ZNF239: variants seen among roughly 807,000 people sequenced by gnomAD.
The protein encoded by ZNF239 is zinc finger protein (C2H2) homologous to mouse MOK-2.
ZNF239 carries 16 observed loss-of-function variants against 27.5 expected under a neutral mutation model. The observed-to-expected ratio is 0.58, with a 90% CI of 0.39 to 0.88. The LOEUF is 0.88. Among genes scored for constraint, ZNF239 ranks in the 40% least tolerant of loss-of-function variants. ZNF239 has a pLI of 0.00. For synonymous variants in ZNF239, 199 were observed against 192.6 expected (o/e 1.03, Z -0.27); for missense variants, 527 against 551.9 (o/e 0.95, Z 0.45).
At chr10:43,568,779 A>G (rs1162061471) in intron 2 of ZNF239, among the ~76,000 whole-genome samples, 2 of 152,094 alleles carry the variant, frequency 1.3e-5, no homozygotes, top group Non-Finnish European at 2.9e-5. Context: ...GCTGGGCACG[A>G]TGGCTCACGG....
Position 43,557,679 on chromosome 10 carries a change from C to T in ZNF239, c.401G>A (p.Gly134Asp), listed in dbSNP as rs774263881. 63 of 1,614,066 alleles carry T rather than the reference C, an allele frequency of 3.9e-5. No homozygotes were observed. The highest frequency in any genetic ancestry group is 5.3e-5 in the Non-Finnish European group (63 of 1,180,054). ...CTGGCCATTCTGGCAAGTTGCCTCACCATTTAACAATGGCGAGGCCAGTTC... is the reference window on the plus strand; with the variant it reads ...CTGGCCATTCTGGCAAGTTGCCTCATCATTTAACAATGGCGAGGCCAGTTC... ...GQELASPLLN[G>D]EATCQNGQLK... Residue 134 changes from glycine to aspartate, a missense_variant, in exon 4 of 4, where the codon GGT (glycine) becomes GAT (aspartate). Gly to Asp is a moderately conservative substitution (Grantham distance 94). Transcript: ENST00000374446.
chr10:43,565,277 T>A (rs976849171), intron 3 of ZNF239, among the ~76,000 whole-genome samples: 2 of 151,934 alleles, frequency 1.3e-5, no homozygotes, highest in African/African-American at 4.8e-5. Flanking sequence ...AGAGACAGGA[T>A]TTTGCCATGT....
intron 2 of ZNF239, chr10:43,568,548 C>T (rs1287069548): frequency 1.3e-6 from 1 of 768,882 alleles, no homozygotes; most frequent in African/African-American, 1.9e-5. Context: ...TCTGTTCTTC[C>T]TCTTCTAAAC....
intron 2 of ZNF239, among the ~76,000 whole-genome samples, chr10:43,569,416 A>G (rs376162854): frequency 6.6e-6 from 1 of 152,024 alleles, no homozygotes; most frequent in Non-Finnish European, 1.5e-5. Flanking sequence ...TTCAGTGGCC[A>G]TCCAGTAAAA....
At chr10:43,569,546 T>A (rs2132298921) in intron 2 of ZNF239, among the ~76,000 whole-genome samples, 1 of 152,324 alleles carries the variant, frequency 6.6e-6, no homozygotes, top group East Asian at 1.9e-4. Context: ...AAACTCATTG[T>A]AGCTTCTGCA....
At chr10:43,570,815 C>A in intron 2 of ZNF239, 1 of 979,446 alleles carries the variant, frequency 1.0e-6, no homozygotes, top group African/African-American at 1.8e-5. Context: ...GGTTAGACAA[C>A]CAGAGTTATT....
intron 3 of ZNF239, among the ~76,000 whole-genome samples, chr10:43,563,592 C>A (rs1377972540): frequency 6.6e-6 from 1 of 152,110 alleles, no homozygotes; most frequent in Non-Finnish European, 1.5e-5. Context: ...TTATGTCTTA[C>A]TTGCATAAAA....
At chr10:43,573,757 T>A in intron 1 of ZNF239, 80 bp from the exon 2 acceptor site, 7 of 559,082 alleles carry the variant, frequency 1.3e-5, no homozygotes, top group Non-Finnish European at 1.6e-5. Flanking sequence ...GTTACTCCGC[T>A]CCTGCCTCTG....
Position 43,558,050 on chromosome 10 carries a change from A to G in ZNF239, c.30T>C (p.Asp10=), listed in dbSNP as rs1173386363. 1 of 1,613,956 alleles carries G rather than the reference A, an allele frequency of 6.2e-7. No homozygotes were observed. Among genetic ancestry groups the G allele is most frequent in the Non-Finnish European group, 8.5e-7 (1 of 1,179,926 alleles). MASTITGSQ[D]CIVNHRGEVD... ...CTTCCCCTCGATGATTCACAATACA[A>G]TCCTGACTTCCAGTAATTGTACTGG... Residue 10 remains aspartate (D), a synonymous_variant, in exon 4 of 4, where the codon GAT becomes GAC. Transcript: ENST00000374446.
intron 2 of ZNF239, among the ~76,000 whole-genome samples, chr10:43,569,596 C>T (rs910192559): frequency 3.9e-5 from 6 of 152,204 alleles, no homozygotes; most frequent in Non-Finnish European, 8.8e-5. Context: ...AGCTCTCAGT[C>T]CAACTGTTGC....
intron 2 of ZNF239, chr10:43,568,237 C>G: frequency 3.0e-6 from 3 of 985,538 alleles, no homozygotes; most frequent in Non-Finnish European, 3.6e-6. Flanking sequence ...CTGCCCACAA[C>G]ATATCTACGC....
In ZNF239 at chr10:43,557,116, C is replaced by G. The variant is rs1334122997; in HGVS notation, c.964G>C (p.Glu322Gln). 1.9e-6 allele frequency: 3 copies of G among 1,611,540 alleles called. No individual in the cohort carries two copies. The highest frequency in any genetic ancestry group is 2.5e-6 in the Non-Finnish European group (3 of 1,178,928). The change falls in exon 4 of 4, where the codon GAG (glutamate) becomes CAG (glutamine). Residue 322 changes from glutamate to glutamine, a missense_variant. Coordinates refer to ENST00000374446, the MANE Select transcript of ZNF239 (RefSeq NM_001099282.2). ...TGACTGAAGCTCATACCACACTCCTCACACTCATAGGGCTTCTCTCCAGTG... is the reference window on the plus strand; with the variant it reads ...TGACTGAAGCTCATACCACACTCCTGACACTCATAGGGCTTCTCTCCAGTG... The part of the protein sequence containing the change: ...VHTGEKPYEC[E>Q]ECGMSFSQRS...
chr10:43,560,145 T>C (rs1351910559), intron 3 of ZNF239, among the ~76,000 whole-genome samples: 1 of 152,180 alleles, frequency 6.6e-6, no homozygotes, highest in Non-Finnish European at 1.5e-5. Flanking sequence ...AATAGAAATA[T>C]TGGATGGCTA....
intron 3 of ZNF239, among the ~76,000 whole-genome samples, chr10:43,565,728 T>C (rs1381748774): frequency 7.3e-6 from 1 of 136,734 alleles, no homozygotes; most frequent in East Asian, 2.2e-4. Flanking sequence ...GGCAGGAGAA[T>C]TGCTTGAACC....
chr10:43,572,040 C>A (rs1239436261), intron 2 of ZNF239, among the ~76,000 whole-genome samples: 1 of 152,098 alleles, frequency 6.6e-6, no homozygotes, highest in Non-Finnish European at 1.5e-5. Context: ...AGTGACTTAC[C>A]CAATGTCACA....
rs1244140305 is a variant in ZNF239, at chr10:43,557,534, A to T, written c.546T>A (p.Asn182Lys). ...AHTEEKPCDH[N>K]NCGKILNTSP... is the part of the protein sequence containing the mutation. Reference sequence around the variant, plus strand: ...TGGTGTTAAGTATTTTCCCACAGTTATTATGGTCACAGGGTTTCTCCTCTG... The same window carrying T: ...TGGTGTTAAGTATTTTCCCACAGTTTTTATGGTCACAGGGTTTCTCCTCTG... The change falls in exon 4 of 4, where the codon AAT (asparagine) becomes AAA (lysine). Residue 182 changes from asparagine to lysine, a missense_variant. By Grantham distance (94) the Asn-to-Lys change is moderately conservative (BLOSUM62 0). Coordinates refer to ENST00000374446, the MANE Select transcript of ZNF239 (RefSeq NM_001099282.2). The T allele has an allele frequency of 5.0e-6, 8 of 1,614,044 alleles. No homozygotes were observed. Among genetic ancestry groups the T allele is most frequent in the Admixed American group, 3.3e-5 (2 of 59,998 alleles).
rs981757305 is a variant in ZNF239, at chr10:43,570,305, C to T, written c.-215-2284G>A. 15 of 985,278 alleles carry T rather than the reference C, an allele frequency of 1.5e-5. No homozygotes were observed. In the African/African-American group the frequency reaches 1.6e-4, roughly 10 times the overall value. The allele number at this position is 985,278 out of a possible 1,614,324, so 61.0% of individuals were successfully genotyped here. Reference sequence around the variant, plus strand: ...GGGCTGGAAAAGGAGGCTCAAGCCCCGGAGTAAAGGTGGGACAAACAAACA... The same window carrying T: ...GGGCTGGAAAAGGAGGCTCAAGCCCTGGAGTAAAGGTGGGACAAACAAACA... On this transcript the variant is annotated intron_variant, in intron 2 of 3. Transcript: ENST00000374446.
At chr10:43,570,390 T>C (rs1160356326) in intron 2 of ZNF239, 5 of 985,356 alleles carry the variant, frequency 5.1e-6, no homozygotes, top group East Asian at 1.1e-4. Flanking sequence ...GCATGACCCA[T>C]GGCATATTAA....
At chr10:43,568,847 C>G (rs898820862) in intron 2 of ZNF239, among the ~76,000 whole-genome samples, 1 of 152,050 alleles carries the variant, frequency 6.6e-6, no homozygotes, top group Non-Finnish European at 1.5e-5. Context: ...GTCAGGAGTT[C>G]GAGACCAGCC....
Sources: gnomAD v4.1 joint callset for allele counts (sites outside exome capture counted in the v4.1 genomes callset) on GRCh38, gnomAD v4.1.1 for gene constraint, MANE v1.5 for transcripts, NCBI Gene and HGNC (gene_info 2026-07-23, HGNC 2026-07-21) for gene names.